TRPM3: variants seen among roughly 807,000 people sequenced by gnomAD.
TRPM3 encodes long transient receptor potential channel 3.
In TRPM3, 77 loss-of-function variants were observed where a neutral mutation model predicts 181.2. That is an observed-to-expected ratio of 0.42 (90% CI 0.35 to 0.51). The LOEUF (loss-of-function observed/expected upper bound fraction) is 0.51. Among genes scored for constraint, TRPM3 ranks in the 20% least tolerant of loss-of-function variants. The pLI, the probability that TRPM3 is intolerant of heterozygous loss-of-function variation, is 0.01. For missense variants in TRPM3, 1,759 were observed against 2,196.7 expected (o/e 0.80, Z 3.98); for synonymous variants, 745 against 796.4 (o/e 0.94, Z 1.09).
chr9:71,207,473 T>C (rs2079194045), intron 1 of TRPM3, among the ~76,000 whole-genome samples: 1 of 152,134 alleles, frequency 6.6e-6, no homozygotes, highest in Non-Finnish European at 1.5e-5. Context: ...TTAAAGAACA[T>C]CTTGAGATCT....
chr9:70,597,280 C>A (rs1248121175), intron 21 of TRPM3, among the ~76,000 whole-genome samples: 1 of 151,896 alleles, frequency 6.6e-6, no homozygotes, highest in Non-Finnish European at 1.5e-5. Flanking sequence ...CTGTGCTGCC[C>A]AAGCTGGTCT....
chr9:70,966,037 C>CAA (rs201624720), intron 1 of TRPM3, among the ~76,000 whole-genome samples: 5 of 127,786 alleles, frequency 3.9e-5, no homozygotes, highest in African/African-American at 8.6e-5. Context: ...AACAAATTTA[C>CAA]AAAAAAAAAA....
intron 5 of TRPM3, among the ~76,000 whole-genome samples, chr9:70,834,666 A>G (rs2094183320): frequency 6.6e-6 from 1 of 152,180 alleles, no homozygotes; most frequent in African/African-American, 2.4e-5. Context: ...ATGCTGAAGC[A>G]GCCGTGTAGA....
intron 1 of TRPM3, among the ~76,000 whole-genome samples, chr9:71,111,378 A>C (rs368483045): frequency 3.3e-5 from 5 of 152,318 alleles, no homozygotes; most frequent in African/African-American, 1.2e-4. Context: ...GAAATGTTTA[A>C]ACAGTGTTGC....
chr9:71,396,603 C>G (rs183744412), intron 1 of TRPM3, among the ~76,000 whole-genome samples: 1 of 151,162 alleles, frequency 6.6e-6, no homozygotes, highest in African/African-American at 2.4e-5. Flanking sequence ...AGGAGAAAGA[C>G]GATTCTGAGA....
chr9:70,751,525 G>C (rs913103735), intron 8 of TRPM3, among the ~76,000 whole-genome samples: 1 of 151,776 alleles, frequency 6.6e-6, no homozygotes, highest in Non-Finnish European at 1.5e-5. Flanking sequence ...AAGAACAAAA[G>C]GACTGAGAAA....
intron 2 of TRPM3, among the ~76,000 whole-genome samples, chr9:70,863,384 G>A (rs1349105908): frequency 1.3e-5 from 2 of 151,968 alleles, no homozygotes; most frequent in African/African-American, 4.8e-5. Context: ...TTTGTACCTG[G>A]CATTTTGTTC....
At chr9:70,596,287 T>G (rs982503817) in intron 21 of TRPM3, among the ~76,000 whole-genome samples, 3 of 152,218 alleles carry the variant, frequency 2.0e-5, no homozygotes, top group Non-Finnish European at 4.4e-5. Flanking sequence ...GAATTCTTCC[T>G]CTCTTTGCAT....
At chr9:70,861,173 T>C (rs1428858853) in intron 3 of TRPM3, among the ~76,000 whole-genome samples, 1 of 152,202 alleles carries the variant, frequency 6.6e-6, no homozygotes, top group Non-Finnish European at 1.5e-5. Flanking sequence ...CTCTAGGTTT[T>C]ATGAATTTCA....
chr9:71,428,580 T>C (rs2131594566), intron 1 of TRPM3, among the ~76,000 whole-genome samples: 1 of 152,236 alleles, frequency 6.6e-6, no homozygotes, highest in South Asian at 2.1e-4. Context: ...GAACTGTGAG[T>C]GTGTATGTGT....
chr9:71,183,538 A>G lies in TRPM3; in HGVS notation c.183+263115T>C, dbSNP rs146577399. Among the ~76,000 whole-genome samples, 118 of 152,102 alleles carry G rather than the reference A, an allele frequency of 7.8e-4. No individual in the cohort carries two copies. The East Asian group carries it at 0.019, about 25-fold the overall frequency. The stretch of plus-strand genomic sequence containing the variant: ...TCCTAGCCAAGTACAGTTGCACTGC[A>G]TAATATTTATTATTATATACTAACC... On this transcript the variant is annotated intron_variant, in intron 1 of 24. Coordinates refer to the TRPM3 transcript ENST00000357533.
chr9:70,619,502 C>T (rs982716401), intron 16 of TRPM3, among the ~76,000 whole-genome samples: 7 of 149,752 alleles, frequency 4.7e-5, no homozygotes, highest in African/African-American at 1.7e-4. Context: ...CAGCCTTGAC[C>T]CCCTGGGCTC....
At chr9:70,571,380 A>G (rs556936921) in intron 22 of TRPM3, among the ~76,000 whole-genome samples, 4 of 152,244 alleles carry the variant, frequency 2.6e-5, no homozygotes, top group African/African-American at 7.2e-5. Flanking sequence ...AAGGTTTTGC[A>G]CAGCGCCTGC....
At chr9:70,865,047 G>T (rs1386114162) in intron 1 of TRPM3, among the ~76,000 whole-genome samples, 1 of 130,958 alleles carries the variant, frequency 7.6e-6, no homozygotes, top group Non-Finnish European at 1.6e-5. Context: ...CAGGGGGGTT[G>T]GGGGGGGGGA....
intron 1 of TRPM3, among the ~76,000 whole-genome samples, chr9:71,105,361 G>T (rs1591449861): frequency 1.3e-5 from 2 of 152,204 alleles, no homozygotes; most frequent in South Asian, 4.1e-4. Flanking sequence ...CCAAGTCCTA[G>T]AGACAGGAGG....
chr9:71,314,973 C>T (rs2088415532), intron 1 of TRPM3, among the ~76,000 whole-genome samples: 1 of 152,016 alleles, frequency 6.6e-6, no homozygotes, highest in Non-Finnish European at 1.5e-5. Flanking sequence ...AGGCTATAGA[C>T]TATGTAGAAT....
At chr9:71,343,569 T>G (rs2091101781) in intron 1 of TRPM3, among the ~76,000 whole-genome samples, 1 of 152,184 alleles carries the variant, frequency 6.6e-6, no homozygotes. Flanking sequence ...AGAAGAATCC[T>G]GTGAGATTGG....
At chr9:70,969,361 C>T (rs564005285) in intron 1 of TRPM3, among the ~76,000 whole-genome samples, 163 of 151,964 alleles carry the variant, frequency 1.1e-3, no homozygotes, top group Non-Finnish European at 1.9e-3. Context: ...CACCATGTCA[C>T]GTGTACACCT....
At chr9:71,107,886 G>A (rs1266415845) in intron 1 of TRPM3, among the ~76,000 whole-genome samples, 1 of 152,062 alleles carries the variant, frequency 6.6e-6, no homozygotes, top group Non-Finnish European at 1.5e-5. Flanking sequence ...TCCAAACAAT[G>A]TGCTATTTTC....
Sources: allele counts gnomAD v4.1 joint callset (sites outside exome capture counted in the v4.1 genomes callset), GRCh38; gene constraint gnomAD v4.1.1; transcripts MANE v1.5; gene names NCBI Gene and HGNC (gene_info 2026-07-23, HGNC 2026-07-21).